MICU1: variants seen among roughly 807,000 people sequenced by gnomAD.
The protein encoded by MICU1 is calcium uptake protein 1, mitochondrial.
In MICU1, 45 loss-of-function variants were observed where a neutral mutation model predicts 56.8. The ratio of observed to expected loss-of-function variants is 0.79; its 90% CI spans 0.62 to 1.02. MICU1 has a LOEUF of 1.02. MICU1 is among the 50% of genes least tolerant of loss of function. The pLI is 0.00. For synonymous variants in MICU1, 186 were observed against 195.1 expected, an observed-to-expected ratio of 0.95 and a Z score of 0.39; for missense variants, 504 against 587.1, an observed-to-expected ratio of 0.86 and a Z score of 1.46.
At chr10:72,509,298 G>A in intron 5 of MICU1, 1 of 956,088 alleles carries the variant, frequency 1.0e-6, no homozygotes, top group Non-Finnish European at 1.5e-6. Flanking sequence ...TAAAGTAAGA[G>A]GCAGCATTGC....
intron 1 of MICU1, among the ~76,000 whole-genome samples, chr10:72,608,364 TC>T (rs1448939668): frequency 7.2e-5 from 11 of 152,168 alleles, no homozygotes; most frequent in African/African-American, 2.7e-4. Flanking sequence ...GAGCCACCTC[TC>T]CTGGCCGAAA....
At chr10:72,424,404 T>A (rs56162700) in intron 8 of MICU1, among the ~76,000 whole-genome samples, 2 of 152,090 alleles carry the variant, frequency 1.3e-5, no homozygotes, top group Admixed American at 6.5e-5. Flanking sequence ...TGAACCACCA[T>A]GGCTGGCCTA....
intron 6 of MICU1, among the ~76,000 whole-genome samples, chr10:72,491,062 G>T (rs1407037413): frequency 6.6e-6 from 1 of 152,112 alleles, no homozygotes; most frequent in Non-Finnish European, 1.5e-5. Flanking sequence ...GCCAAAGGAG[G>T]ATTTCCTGAT....
At chr10:72,439,798 T>C (rs915858853) in intron 8 of MICU1, among the ~76,000 whole-genome samples, 11 of 152,128 alleles carry the variant, frequency 7.2e-5, no homozygotes, top group African/African-American at 2.2e-4. Context: ...CCATTCACAA[T>C]TGCTACAAAG....
chr10:72,376,324 C>G (rs1237883550), intron 10 of MICU1, among the ~76,000 whole-genome samples: 1 of 151,990 alleles, frequency 6.6e-6, no homozygotes, highest in Non-Finnish European at 1.5e-5. Context: ...AAGCTCCCTC[C>G]TTTTCACCTC....
chr10:72,475,035 AG>A lies in MICU1; in HGVS notation c.933+64del, dbSNP rs1282944689. Reference sequence around the variant, plus strand: ...GGAGGTAAATGGAAAGAATGCCTATAGTACAGGCCCTCCTGCCCATCAGTTC... The same window carrying A: ...GGAGGTAAATGGAAAGAATGCCTATATACAGGCCCTCCTGCCCATCAGTTC... On this transcript the variant is annotated intron_variant, in intron 8 of 11. Coordinates refer to ENST00000361114, the MANE Select transcript of MICU1 (RefSeq NM_001195518.2). 5.8e-6 allele frequency: 8 copies of A among 1,387,790 alleles called. No individual in the cohort carries two copies. The African/African-American group carries it at 1.0e-4, about 17-fold the overall frequency. 86.0% of individuals were successfully genotyped at this position (1,387,790 alleles called of 1,614,324 possible).
chr10:72,565,016 C>T (rs560703857), intron 2 of MICU1, among the ~76,000 whole-genome samples: 7 of 151,842 alleles, frequency 4.6e-5, no homozygotes, highest in Non-Finnish European at 8.8e-5. Flanking sequence ...CATGGTGGCT[C>T]ATGCCTGTAA....
intron 5 of MICU1, chr10:72,524,124 T>G (rs981686370): frequency 2.0e-6 from 1 of 493,410 alleles, no homozygotes; most frequent in African/African-American, 2.0e-5. Context: ...AAATAAGACT[T>G]TTTTGTTTTT....
intron 1 of MICU1, among the ~76,000 whole-genome samples, chr10:72,584,642 T>C (rs1840996405): frequency 1.3e-5 from 2 of 151,874 alleles, no homozygotes; most frequent in South Asian, 4.2e-4. Flanking sequence ...AGCCTCCACC[T>C]CCTGGGCTCA....
intron 4 of MICU1, 71 bp downstream of exon 4, chr10:72,551,108 A>T: frequency 7.2e-7 from 1 of 1,396,836 alleles, no homozygotes. Context: ...TTTCAGTACT[A>T]TGTAGAAAGA....
chr10:72,409,892 A>G (rs1238075689), intron 9 of MICU1, among the ~76,000 whole-genome samples: 1 of 152,158 alleles, frequency 6.6e-6, no homozygotes, highest in Non-Finnish European at 1.5e-5. Flanking sequence ...CAAGGAACAG[A>G]CTATTATCAT....
chr10:72,600,681 T>C (rs3009542), intron 1 of MICU1, among the ~76,000 whole-genome samples: 68,649 of 149,696 alleles, frequency 0.46, 19,883 homozygotes, highest in Non-Finnish European at 0.67. Context: ...AAGAAATTCA[T>C]GCTAGTTTTG....
chr10:72,386,392 G>T (rs1411254060), intron 10 of MICU1, among the ~76,000 whole-genome samples: 1 of 152,046 alleles, frequency 6.6e-6, no homozygotes, highest in Non-Finnish European at 1.5e-5. Flanking sequence ...ATGTTGGCCA[G>T]GCTCGTCTTG....
chr10:72,584,306 C>T (rs1840984743), intron 1 of MICU1, among the ~76,000 whole-genome samples: 1 of 151,852 alleles, frequency 6.6e-6, no homozygotes. Context: ...TCTGCCCTTC[C>T]AAATAACTGC....
chr10:72,577,573 TAGA>T (rs927343673), intron 1 of MICU1, among the ~76,000 whole-genome samples: 3 of 150,634 alleles, frequency 2.0e-5, no homozygotes, highest in Non-Finnish European at 4.4e-5. Flanking sequence ...ATCTGATCAG[TAGA>T]AGAAGTCATT....
chr10:72,607,908 A>G (rs1181369362), intron 1 of MICU1, among the ~76,000 whole-genome samples: 1 of 152,184 alleles, frequency 6.6e-6, no homozygotes, highest in Admixed American at 6.5e-5. Context: ...ATTGTAGGAC[A>G]TTCAACTAGT....
chr10:72,548,162 C>T (rs1380397075), intron 4 of MICU1, among the ~76,000 whole-genome samples: 1 of 152,118 alleles, frequency 6.6e-6, no homozygotes, highest in East Asian at 1.9e-4. Context: ...GAGGTTTCAT[C>T]CTGTCAGGCT....
intron 8 of MICU1, among the ~76,000 whole-genome samples, chr10:72,447,850 G>C (rs1184690992): frequency 1.3e-5 from 2 of 152,038 alleles, no homozygotes; most frequent in Non-Finnish European, 2.9e-5. Context: ...GCTTTTACCT[G>C]GATGAACTGA....
chr10:72,593,773 C>T (rs544992523), intron 1 of MICU1, among the ~76,000 whole-genome samples: 1 of 152,160 alleles, frequency 6.6e-6, no homozygotes, highest in African/African-American at 2.4e-5. Flanking sequence ...ATTCCGTTTA[C>T]AATGGCACCA....
Sources: allele counts gnomAD v4.1 joint callset (sites outside exome capture counted in the v4.1 genomes callset), GRCh38; gene constraint gnomAD v4.1.1; transcripts MANE v1.5; gene names NCBI Gene and HGNC (gene_info 2026-07-23, HGNC 2026-07-21).